The following MYH4 variants were observed in gnomAD, a reference collection of about 807,000 sequenced individuals.
The protein encoded by MYH4 is myosin-4.
Under a neutral mutation model 229.9 loss-of-function variants are expected in MYH4, and 200 were observed. That is an observed-to-expected ratio of 0.87 (90% CI 0.78 to 0.98). MYH4 has a LOEUF of 0.98. MYH4 is among the 50% of genes least tolerant of loss of function. The probability of loss-of-function intolerance (pLI) is 0.00; values close to 1 mark genes in which losing one functional copy is unlikely to be tolerated. For synonymous variants in MYH4, 761 were observed against 834.6 expected, an observed-to-expected ratio of 0.91 and a Z score of 1.52; for missense variants, 2,148 against 2,332.6, an observed-to-expected ratio of 0.92 and a Z score of 1.63.
intron 39 of MYH4, 38 bp downstream of exon 39, chr17:10,444,566 G>C: frequency 6.5e-7 from 1 of 1,536,674 alleles, no homozygotes; most frequent in Non-Finnish European, 8.9e-7. Flanking sequence ...ACCTGGATGT[G>C]CATCTGAACC....
At position 10,452,947 on chromosome 17, in the gene MYH4, C is replaced by G; in HGVS notation, c.3112-15G>C. The G allele has an allele frequency of 1.2e-6, 2 of 1,600,152 alleles. No homozygotes were observed. Among genetic ancestry groups the G allele is most frequent in the Non-Finnish European group, 1.7e-6 (2 of 1,177,094 alleles). ...GATCCTTCAAGCTAAATTTATGATG[C>G]ATTTTATTTATTTCAGCTCTTAAGC... is the stretch of plus-strand genomic sequence containing the variant. On this transcript the variant is annotated splice_polypyrimidine_tract_variant and intron_variant, in intron 24 of 39. Transcript: ENST00000255381.
At position 10,454,598 on chromosome 17, in the gene MYH4, G is replaced by C. The variant is rs3744558; in HGVS notation, c.2648C>G (p.Thr883Arg). The change falls in exon 22 of 40, where the codon ACG (threonine) becomes AGG (arginine). Residue 883 changes from threonine (T) to arginine (R), a missense_variant. Transcript: ENST00000255381. The part of the protein sequence containing the change: ...KRKELEEKMV[T>R]LMQEKNDLQL... The stretch of plus-strand genomic sequence containing the variant: ...TAAGTCATTTTTCTCTTGCATTAGC[G>C]TCACCATCTTTTCTTCTAGTTCTTT... The C allele has an allele frequency of 1.2e-6, 2 of 1,613,938 alleles. No homozygotes were observed. The highest frequency in any genetic ancestry group is 2.7e-5 in the African/African-American group (2 of 74,886).
intron 34 of MYH4, 123 bp downstream of exon 34, chr17:10,447,695 C>A: frequency 9.9e-7 from 1 of 1,010,682 alleles, no homozygotes; most frequent in South Asian, 1.7e-5. Flanking sequence ...TAACTTTGAA[C>A]TTTGAACTGA....
At chr17:10,463,001 G>A in intron 10 of MYH4, 33 bp from the exon 11 acceptor site, 1 of 1,601,708 alleles carries the variant, frequency 6.2e-7, no homozygotes, top group Non-Finnish European at 8.6e-7. Flanking sequence ...TATATAGACA[G>A]CATTGCTTTG....
Position 10,443,418 on chromosome 17 carries a change from A to G in MYH4, c.5777T>C (p.Val1926Ala), listed in dbSNP as rs1246034268. 1.2e-6 allele frequency: 2 copies of G among 1,613,982 alleles called. No individual in the cohort carries two copies. Among genetic ancestry groups the G allele is most frequent in the East Asian group, 2.2e-5 (1 of 44,870 alleles). Reference sequence around the variant, plus strand: ...TTTTGTGTGAACCTCCCGACTCTTCACTCTCAGCTTGTTGACTTGGGACTC... The same window carrying G: ...TTTTGTGTGAACCTCCCGACTCTTCGCTCTCAGCTTGTTGACTTGGGACTC... ...IAESQVNKLR[V>A]KSREVHTKVI... Residue 1926 changes from valine (V) to alanine (A), a missense_variant, in exon 40 of 40, where the codon GTG becomes GCG. Val to Ala is a moderately conservative substitution (Grantham distance 64, BLOSUM62 0). Coordinates refer to ENST00000255381, the MANE Select transcript of MYH4 (RefSeq NM_017533.2). This position sits in a 1 kb window ranked among gnomAD's most constrained non-coding sequence, Gnocchi z 4.6.
In MYH4 at chr17:10,452,860, C is replaced by G; in HGVS notation, c.3184G>C (p.Asp1062His). The change falls in exon 25 of 40, where the codon GAC becomes CAC. Residue 1062 changes from aspartate (D) to histidine (H), a missense_variant. Physicochemically the swap from Asp to His is moderately conservative, Grantham distance 81. Coordinates refer to ENST00000255381, the MANE Select transcript of MYH4 (RefSeq NM_017533.2). ...LERAKRKLEG[D>H]LKLAQESTMD... ...GTGGATTCTTGGGCCAATTTTAGGT[C>G]ACCCTCCAGTTTTCTCTTGGCTCTT... is the stretch of plus-strand genomic sequence containing the variant. The G allele has an allele frequency of 6.2e-7, 1 of 1,609,086 alleles. No homozygotes were observed. The highest frequency in any genetic ancestry group is 1.1e-5 in the South Asian group (1 of 89,116).
At chr17:10,465,770 CTTTTT>C (rs957442606) in intron 4 of MYH4, among the ~76,000 whole-genome samples, 172 bp from the exon 5 acceptor site, 14 of 97,994 alleles carry the variant, frequency 1.4e-4, no homozygotes, top group Non-Finnish European at 2.2e-4. Flanking sequence ...TTCAGTTTTT[CTTTTT>C]TTTTTTTTTT....
Position 10,464,677 on chromosome 17 carries a change from A to G in MYH4, c.533+4T>C, listed in dbSNP as rs78691159. On this transcript the variant is annotated splice_donor_region_variant and intron_variant, in intron 6 of 39. Coordinates refer to ENST00000255381, the MANE Select transcript of MYH4 (RefSeq NM_017533.2). ...ACAGAAAGAAAGTAACGAAATCTACATACGTAATCAAGATTGACTGGTTTT... is the reference window on the plus strand; with the variant it reads ...ACAGAAAGAAAGTAACGAAATCTACGTACGTAATCAAGATTGACTGGTTTT... The G allele has an allele frequency of 4.6e-4, 736 of 1,613,852 alleles. 13 individuals carry two copies. In the East Asian group the frequency reaches 0.016, roughly 34 times the overall value.
In MYH4 at chr17:10,466,383, T is replaced by C; in HGVS notation, c.238A>G (p.Met80Val). The change falls in exon 4 of 40, where the codon ATG (methionine) becomes GTG (valine). Residue 80 changes from methionine (M) to valine (V), a missense_variant. By Grantham distance (21) the Met-to-Val change is conservative. Transcript: ENST00000255381. ...ATCTTGTCATATTTGGGAGGGTTCA[T>C]GGAGAAGACTTGGTCTTCTTTCACA... The part of the protein sequence containing the change: ...VTVKEDQVFS[M>V]NPPKYDKIED... The C allele has an allele frequency of 1.9e-6, 3 of 1,614,142 alleles. No individual in the cohort carries two copies. The highest frequency in any genetic ancestry group is 2.5e-6 in the Non-Finnish European group (3 of 1,180,010).
chr17:10,451,865 A>G, intron 27 of MYH4, 76 bp downstream of exon 27: 1 of 1,518,160 alleles, frequency 6.6e-7, no homozygotes, highest in Non-Finnish European at 8.8e-7. Context: ...TAATTTGGCT[A>G]AAAATAGTCA....
intron 23 of MYH4, 46 bp from the exon 24 acceptor site, chr17:10,453,374 T>G (rs761750300): frequency 4.1e-5 from 66 of 1,612,886 alleles, no homozygotes; most frequent in Non-Finnish European, 5.4e-5. Context: ...CAACGTATTA[T>G]CTTGATGAAA....
In MYH4 at chr17:10,460,991, C is replaced by T; in HGVS notation, c.1072G>A (p.Ala358Thr). ...TTCATGTTCCCATAATGCATCACGG[C>T]TCCAGTGAGCTTGTAAATGGCCACC... The part of the protein sequence containing the change: ...EKVAIYKLTG[A>T]VMHYGNMKFK... The change falls in exon 12 of 40, where the codon GCC becomes ACC. Residue 358 changes from alanine to threonine, a missense_variant. Transcript: ENST00000255381. The T allele has an allele frequency of 6.2e-7, 1 of 1,614,084 alleles. No individual in the cohort carries two copies. Among genetic ancestry groups the T allele is most frequent in the Non-Finnish European group, 8.5e-7 (1 of 1,179,988 alleles).
chr17:10,450,665 A>G lies in MYH4; in HGVS notation c.3985-16T>C. 1 of 1,613,338 alleles carries G rather than the reference A, an allele frequency of 6.2e-7. No individual in the cohort carries two copies. The highest frequency in any genetic ancestry group is 8.5e-7 in the Non-Finnish European group (1 of 1,179,566). On this transcript the variant is annotated splice_polypyrimidine_tract_variant and intron_variant, in intron 29 of 39. Transcript: ENST00000255381. The stretch of plus-strand genomic sequence containing the variant: ...TGCTCTTGGCCTAGACCAACCAAAA[A>G]CTATGTGATATAAGTTTATCTTCTG...
intron 34 of MYH4, among the ~76,000 whole-genome samples, 156 bp downstream of exon 34, chr17:10,447,662 G>A (rs778292535): frequency 2.0e-5 from 3 of 152,132 alleles, no homozygotes; most frequent in South Asian, 4.1e-4. Flanking sequence ...CCAGAATTAA[G>A]CTCTTTTTCA....
chr17:10,452,063 C>G lies in MYH4; in HGVS notation c.3616G>C (p.Glu1206Gln). Residue 1206 changes from glutamate to glutamine, a missense_variant, in exon 27 of 40, where the codon GAG becomes CAG. Physicochemically the swap from Glu to Gln is conservative, Grantham distance 29. Transcript: ENST00000255381. ...AGGCTGTCAATCTGCTCCCCAAGCT[C>G]AGCCACACTATCTGCGTGCTTCTTC... Reference protein sequence around the residue: ...LRKKHADSVAELGEQIDSLQR... With the variant: ...LRKKHADSVAQLGEQIDSLQR... 1 of 1,614,012 alleles carries G rather than the reference C, an allele frequency of 6.2e-7. No homozygotes were observed. The highest frequency in any genetic ancestry group is 1.1e-5 in the South Asian group (1 of 91,078).
rs1027198614 is a variant in MYH4 at position 10,463,065 on chromosome 17, G to T, written c.904+25C>A. ...TTAGAAGGGCTGTTATTCTTTGGTA[G>T]AAATAAATCAAAGATGTGTCTTACC... is the stretch of plus-strand genomic sequence containing the variant. On this transcript the variant is annotated intron_variant, in intron 10 of 39. Coordinates refer to ENST00000255381, the MANE Select transcript of MYH4 (RefSeq NM_017533.2). 5 of 1,594,210 alleles carry T rather than the reference G, an allele frequency of 3.1e-6. No homozygotes were observed. The African/African-American group carries it at 6.7e-5, about 21-fold the overall frequency.
At position 10,466,284 on chromosome 17, in the gene MYH4, A is replaced by C; in HGVS notation, c.337T>G (p.Trp113Gly). The C allele has an allele frequency of 6.2e-7, 1 of 1,614,042 alleles. No individual in the cohort carries two copies. The highest frequency in any genetic ancestry group is 8.5e-7 in the Non-Finnish European group (1 of 1,179,984). ...LYNLKERYAAWMIYTYSGLFC... is the reference protein window; with the variant it reads ...LYNLKERYAAGMIYTYSGLFC... ...GAAAGGGTGCTCACGTAGATCATCC[A>C]GGCTGCGTAACGCTCTTTGAGGTTA... Residue 113 changes from tryptophan to glycine, a missense_variant, in exon 4 of 40, where the codon TGG becomes GGG. Trp to Gly is a radical substitution (Grantham distance 184). Transcript: ENST00000255381.
chr17:10,451,213 G>A, intron 28 of MYH4, 113 bp downstream of exon 28: 1 of 1,306,116 alleles, frequency 7.7e-7, no homozygotes, highest in East Asian at 2.3e-5. Flanking sequence ...GAATAAGTAA[G>A]ACATGATAAA....
At chr17:10,451,840 C>T (rs576875360) in intron 27 of MYH4, 101 bp downstream of exon 27, 1 of 1,414,090 alleles carries the variant, frequency 7.1e-7, no homozygotes, top group Non-Finnish European at 9.5e-7. Flanking sequence ...CTTCAGATGC[C>T]ATCTAATGTT....
Sources: gnomAD v4.1 joint callset for allele counts (sites outside exome capture counted in the v4.1 genomes callset) on GRCh38, gnomAD v4.1.1 for gene constraint, Gnocchi (gnomAD v3.1) non-coding constraint, MANE v1.5 for transcripts, NCBI Gene and HGNC (gene_info 2026-07-23, HGNC 2026-07-21) for gene names.